LRIF1: variants seen among roughly 807,000 people sequenced by gnomAD.
LRIF1 encodes ligand-dependent nuclear receptor-interacting factor 1.
In LRIF1, 32 loss-of-function variants were observed where a neutral mutation model predicts 52.7. The ratio of observed to expected loss-of-function variants is 0.61; its 90% CI spans 0.46 to 0.82. The LOEUF (loss-of-function observed/expected upper bound fraction) is 0.82. Among genes scored for constraint, LRIF1 ranks in the 40% least tolerant of loss-of-function variants. The pLI, the probability that LRIF1 is intolerant of heterozygous loss-of-function variation, is 0.00. For synonymous variants in LRIF1, 323 were observed against 317.4 expected (o/e 1.02, Z -0.19); for missense variants, 887 against 892.0 (o/e 0.99, Z 0.07).
At chr1:110,934,916 G>C in the LRIF1 span, among the ~76,000 whole-genome samples, 459 of 152,308 alleles carry the variant, frequency 3.0e-3, 4 homozygotes, top group African/African-American at 0.01. Context: ...GTATGACACA[G>C]CATTGTCATA....
the LRIF1 span, among the ~76,000 whole-genome samples, chr1:110,924,043 G>A: frequency 3.9e-5 from 6 of 152,040 alleles, no homozygotes; most frequent in Non-Finnish European, 7.4e-5. Flanking sequence ...GAATGAAAAG[G>A]AGATATCACT....
the LRIF1 span, among the ~76,000 whole-genome samples, chr1:110,889,638 T>C: frequency 2.0e-5 from 3 of 152,160 alleles, no homozygotes; most frequent in East Asian, 5.8e-4. Context: ...TCTTGCTGTA[T>C]GCCAGTCTGT....
the LRIF1 span, chr1:110,937,603 C>T: frequency 6.6e-6 from 1 of 151,906 alleles, no homozygotes; most frequent in African/African-American, 2.4e-5. Flanking sequence ...AAGTTTATAG[C>T]TATAAGTGCC....
intron 1 of LRIF1, among the ~76,000 whole-genome samples, chr1:110,956,067 G>A (rs141710225): frequency 7.9e-5 from 12 of 152,228 alleles, no homozygotes; most frequent in Middle Eastern, 3.4e-3. Flanking sequence ...CATTTAATGG[G>A]TTTTATTTTC....
the LRIF1 span, among the ~76,000 whole-genome samples, chr1:110,925,437 G>GCATACA: frequency 3.2e-3 from 482 of 151,842 alleles, 6 homozygotes; most frequent in African/African-American, 0.011. Flanking sequence ...CTTCACACGC[G>GCATACA]CATACACATA....
At chr1:110,908,722 C>A in the LRIF1 span, among the ~76,000 whole-genome samples, 1 of 151,936 alleles carries the variant, frequency 6.6e-6, no homozygotes, top group East Asian at 1.9e-4. Context: ...ATGAACAAAA[C>A]CTCTAAGAAA....
At chr1:110,958,376 G>A (rs192474140) in intron 1 of LRIF1, among the ~76,000 whole-genome samples, 11 of 152,186 alleles carry the variant, frequency 7.2e-5, no homozygotes, top group Admixed American at 2.6e-4. Context: ...TTGGAATCCC[G>A]AATGTACTCC....
At chr1:110,893,490 T>C in the LRIF1 span, among the ~76,000 whole-genome samples, 2 of 152,260 alleles carry the variant, frequency 1.3e-5, no homozygotes, top group East Asian at 3.9e-4. Context: ...GTCCGGCTAA[T>C]TCTGAATTTT....
the LRIF1 span, chr1:110,892,567 C>T: frequency 3.2e-6 from 5 of 1,544,978 alleles, no homozygotes; most frequent in Admixed American, 1.7e-5. Context: ...TGCCCCAAGT[C>T]GGGGAGATGG....
the LRIF1 span, among the ~76,000 whole-genome samples, chr1:110,917,646 TTG>T: frequency 6.0e-3 from 210 of 34,996 alleles, 4 homozygotes; most frequent in East Asian, 0.094. Flanking sequence ...TTTTTTGTTT[TTG>T]TTTTTTTTTT....
chr1:110,924,668 T>A, the LRIF1 span, among the ~76,000 whole-genome samples: 2 of 152,340 alleles, frequency 1.3e-5, no homozygotes, highest in African/African-American at 4.8e-5. Flanking sequence ...ATGGGGATTA[T>A]GGGGATTGCA....
At chr1:110,895,140 A>C in the LRIF1 span, 9 of 998,546 alleles carry the variant, frequency 9.0e-6, no homozygotes, top group Non-Finnish European at 1.3e-5. Context: ...TTTTTCTGGA[A>C]GTTTCAGAAT....
At chr1:110,886,882 G>A in the LRIF1 span, among the ~76,000 whole-genome samples, 14,366 of 76,474 alleles carry the variant, frequency 0.19, 1,034 homozygotes, top group Non-Finnish European at 0.29. Flanking sequence ...TTTTTTTTCT[G>A]TCTGTGTTTC....
chr1:110,891,624 T>C, the LRIF1 span, among the ~76,000 whole-genome samples: 1 of 152,156 alleles, frequency 6.6e-6, no homozygotes, highest in Non-Finnish European at 1.5e-5. Flanking sequence ...GTAATAATTT[T>C]TCCCCTCTTC....
At chr1:110,953,974 C>T (rs1658591218) in intron 1 of LRIF1, among the ~76,000 whole-genome samples, 2 of 152,110 alleles carry the variant, frequency 1.3e-5, no homozygotes, top group Admixed American at 6.5e-5. Context: ...GACTGTCTCT[C>T]ATATTATATT....
At chr1:110,963,477 G>C (rs1659052528) in intron 1 of LRIF1, 144 bp downstream of exon 1, 1 of 589,524 alleles carries the variant, frequency 1.7e-6, no homozygotes, top group Non-Finnish European at 2.9e-6. Flanking sequence ...AAGCGCCGCG[G>C]AGACAAGCGC....
the LRIF1 span, among the ~76,000 whole-genome samples, chr1:110,901,105 T>G: frequency 6.6e-6 from 1 of 152,146 alleles, no homozygotes; most frequent in Non-Finnish European, 1.5e-5. Flanking sequence ...AACTTTTGCA[T>G]TTTCCTGAGA....
the LRIF1 span, among the ~76,000 whole-genome samples, chr1:110,906,147 A>T: frequency 6.6e-6 from 1 of 152,324 alleles, no homozygotes; most frequent in East Asian, 1.9e-4. Context: ...AAATGTAAAC[A>T]TTTACAGATA....
At chr1:110,957,986 C>G (rs1355237935) in intron 1 of LRIF1, among the ~76,000 whole-genome samples, 1 of 152,184 alleles carries the variant, frequency 6.6e-6, no homozygotes, top group African/African-American at 2.4e-5. Context: ...TCATTCTCAT[C>G]CCTACAGTAT....
Sources: gnomAD v4.1 joint callset for allele counts (sites outside exome capture counted in the v4.1 genomes callset) on GRCh38, gnomAD v4.1.1 for gene constraint, MANE v1.5 for transcripts, NCBI Gene and HGNC (gene_info 2026-07-23, HGNC 2026-07-21) for gene names.